The following CUX1 variants were observed in gnomAD, a reference collection of about 807,000 sequenced individuals.
The protein encoded by CUX1 is cut like homeobox 1.
Under a neutral mutation model 158.8 loss-of-function variants are expected in CUX1, and 31 were observed. That is an observed-to-expected ratio of 0.20 (90% CI 0.15 to 0.26). The LOEUF (loss-of-function observed/expected upper bound fraction) is 0.26, where lower values mean the gene tolerates loss of function less well. CUX1 is among the 10% of genes least tolerant of loss of function. The pLI is 1.00. For synonymous variants in CUX1, 879 were observed against 862.1 expected (o/e 1.02, Z -0.34); for missense variants, 1,589 against 2,014.6 (o/e 0.79, Z 4.04).
chr7:102,030,444 A>G (rs1820605680), intron 3 of CUX1, among the ~76,000 whole-genome samples: 1 of 151,894 alleles, frequency 6.6e-6, no homozygotes, highest in Non-Finnish European at 1.5e-5. Flanking sequence ...GTGTCCCTCA[A>G]ACACACGTGG....
At chr7:101,907,078 G>A (rs1251797005) in intron 1 of CUX1, among the ~76,000 whole-genome samples, 3 of 152,162 alleles carry the variant, frequency 2.0e-5, no homozygotes, top group Non-Finnish European at 4.4e-5. Flanking sequence ...GGAAAGTGAT[G>A]GGGAAGGATT....
At chr7:101,836,888 A>AGGACATG (rs1250256363) in intron 1 of CUX1, among the ~76,000 whole-genome samples, 1 of 152,112 alleles carries the variant, frequency 6.6e-6, no homozygotes, top group African/African-American at 2.4e-5. Flanking sequence ...AAAATCGCAG[A>AGGACATG]GGACATGGGG....
chr7:102,220,505 G>A (rs1234001635), intron 20 of CUX1, among the ~76,000 whole-genome samples: 2 of 152,204 alleles, frequency 1.3e-5, no homozygotes, highest in African/African-American at 2.4e-5. Context: ...CCCACATCAC[G>A]ATCTGTCCCT....
intron 2 of CUX1, among the ~76,000 whole-genome samples, chr7:101,994,801 A>G (rs964015027): frequency 2.0e-5 from 3 of 151,984 alleles, no homozygotes; most frequent in African/African-American, 7.3e-5. Flanking sequence ...TAGAAGAGAA[A>G]CATTAAGGCC....
At chr7:102,243,350 A>G (rs1268243626) in intron 23 of CUX1, among the ~76,000 whole-genome samples, 2 of 152,158 alleles carry the variant, frequency 1.3e-5, no homozygotes, top group Non-Finnish European at 2.9e-5. Flanking sequence ...TAACTCCACA[A>G]CAAAGCAGGC....
intron 2 of CUX1, among the ~76,000 whole-genome samples, chr7:102,014,274 G>A (rs1223580622): frequency 7.2e-5 from 11 of 152,056 alleles, no homozygotes; most frequent in African/African-American, 1.2e-4. Context: ...AGGGGTACTC[G>A]GTATGGCCAC....
At chr7:102,053,878 T>C (rs896628322) in intron 3 of CUX1, among the ~76,000 whole-genome samples, 31 of 148,488 alleles carry the variant, frequency 2.1e-4, no homozygotes, top group African/African-American at 7.5e-4. Flanking sequence ...CGATCTCGGC[T>C]CACTGCAACC....
chr7:102,115,989 C>T (rs1554491692), intron 8 of CUX1, among the ~76,000 whole-genome samples: 1 of 152,200 alleles, frequency 6.6e-6, no homozygotes, highest in Admixed American at 6.5e-5. Flanking sequence ...CTGGAAGGCT[C>T]TTCCCATCTT....
chr7:102,219,195 G>GGT (rs149911933), intron 20 of CUX1, among the ~76,000 whole-genome samples: 51 of 150,734 alleles, frequency 3.4e-4, no homozygotes, highest in East Asian at 9.8e-4. Flanking sequence ...CCCTGCAGAG[G>GGT]GTGTGTGTGT....
chr7:102,074,424 G>A (rs530499268), intron 4 of CUX1, among the ~76,000 whole-genome samples: 2 of 152,204 alleles, frequency 1.3e-5, no homozygotes, highest in East Asian at 1.9e-4. Flanking sequence ...GCACCTGACC[G>A]CACCAGCTCC....
chr7:102,033,966 T>C (rs965411566), intron 3 of CUX1, among the ~76,000 whole-genome samples: 10 of 151,816 alleles, frequency 6.6e-5, no homozygotes, highest in Non-Finnish European at 1.3e-4. Flanking sequence ...GCCAACATGG[T>C]GCAACCCCAT....
At chr7:101,831,903 G>A (rs1162368779) in intron 1 of CUX1, among the ~76,000 whole-genome samples, 1 of 151,300 alleles carries the variant, frequency 6.6e-6, no homozygotes, top group African/African-American at 2.4e-5. Flanking sequence ...CACCATGCCA[G>A]GCTAACTTTT....
At chr7:102,056,301 T>A (rs1824117845) in intron 3 of CUX1, among the ~76,000 whole-genome samples, 1 of 152,190 alleles carries the variant, frequency 6.6e-6, no homozygotes, top group Admixed American at 6.6e-5. Flanking sequence ...AATCTAGGAC[T>A]TGCATAGGTA....
At chr7:102,059,733 T>G (rs1400480699) in intron 3 of CUX1, among the ~76,000 whole-genome samples, 2 of 152,148 alleles carry the variant, frequency 1.3e-5, no homozygotes, top group East Asian at 3.8e-4. Context: ...TTCTAGTGTT[T>G]AATGTGGCCC....
At chr7:102,146,256 G>A (rs1042507855) in intron 8 of CUX1, among the ~76,000 whole-genome samples, 5 of 152,108 alleles carry the variant, frequency 3.3e-5, no homozygotes, top group Non-Finnish European at 2.9e-5. Context: ...TCCCTGGGCC[G>A]CAGCTGTCCC....
intron 1 of CUX1, among the ~76,000 whole-genome samples, chr7:101,902,093 C>T (rs1802210118): frequency 6.6e-6 from 1 of 152,166 alleles, no homozygotes; most frequent in African/African-American, 2.4e-5. Flanking sequence ...CACTGATGAC[C>T]TCGCCCCCTG....
rs544444984 is a variant in CUX1 at position 101,830,537 on chromosome 7, C to T, written c.30+12868C>T. ...GTGGGATCATAGCTCTCTGCAACCGCGAACTCCCAGGCTCAAGTGATCCTC... is the reference window on the plus strand; with the variant it reads ...GTGGGATCATAGCTCTCTGCAACCGTGAACTCCCAGGCTCAAGTGATCCTC... On this transcript the variant is annotated intron_variant, in intron 1 of 23. Transcript: ENST00000292535. Among the ~76,000 whole-genome samples, 20 of 152,270 alleles carry T rather than the reference C, an allele frequency of 1.3e-4. 1 individual carries two copies. The South Asian group carries it at 3.3e-3, about 25-fold the overall frequency.
In CUX1 at chr7:102,028,149, A is replaced by G; in HGVS notation, c.189+4A>G. 6.2e-7 allele frequency: 1 copy of G among 1,613,126 alleles called. No individual in the cohort carries two copies. The highest frequency in any genetic ancestry group is 8.5e-7 in the Non-Finnish European group (1 of 1,179,972). ...GCTGAAGAGTTTCCAAGGAGAGGTAAGCTTTTCTATTCATTTTCTATCCTG... is the reference window on the plus strand; with the variant it reads ...GCTGAAGAGTTTCCAAGGAGAGGTAGGCTTTTCTATTCATTTTCTATCCTG... On this transcript the variant is annotated splice_donor_region_variant and intron_variant, in intron 3 of 23. Transcript: ENST00000292535.
At chr7:101,880,220 G>A (rs184061447) in intron 1 of CUX1, among the ~76,000 whole-genome samples, 25 of 152,268 alleles carry the variant, frequency 1.6e-4, no homozygotes, top group Admixed American at 1.6e-3. Flanking sequence ...CAGGTCATTG[G>A]GTTTGGAGAA....
Sources: gnomAD v4.1 joint callset for allele counts (sites outside exome capture counted in the v4.1 genomes callset) on GRCh38, gnomAD v4.1.1 for gene constraint, MANE v1.5 for transcripts, NCBI Gene and HGNC (gene_info 2026-07-23, HGNC 2026-07-21) for gene names.